CHSY3: variants seen among roughly 807,000 people sequenced by gnomAD.
The protein encoded by CHSY3 is chondroitin sulfate synthase 3.
CHSY3 carries 35 observed loss-of-function variants against 67.2 expected under a neutral mutation model. The ratio of observed to expected loss-of-function variants is 0.52; its 90% CI spans 0.40 to 0.69. The LOEUF is 0.69. CHSY3 is among the 30% of genes least tolerant of loss of function. CHSY3 has a pLI of 0.00. For synonymous variants in CHSY3, 474 were observed against 434.7 expected (o/e 1.09, Z -1.12); for missense variants, 1,069 against 1,138.5 (o/e 0.94, Z 0.88).
At chr5:130,169,828 T>C (rs1164506772) in intron 2 of CHSY3, among the ~76,000 whole-genome samples, 1 of 152,068 alleles carries the variant, frequency 6.6e-6, no homozygotes, top group South Asian at 2.1e-4. Flanking sequence ...GGTAATTTCC[T>C]CTTTTTTATC....
chr5:129,976,487 T>TA (rs1762810625), intron 2 of CHSY3, among the ~76,000 whole-genome samples: 1 of 152,134 alleles, frequency 6.6e-6, no homozygotes, highest in Non-Finnish European at 1.5e-5. Context: ...AGTGTCCACC[T>TA]AAAAATACAG....
In CHSY3 at chr5:130,015,643, T is replaced by C. The variant is rs184860617; in HGVS notation, c.1086+107283T>C. Among the ~76,000 whole-genome samples the C allele has an allele frequency of 1.4e-4, 21 of 152,306 alleles. No homozygotes were observed. In the East Asian group the frequency reaches 3.9e-3, roughly 28 times the overall value. On this transcript the variant is annotated intron_variant, in intron 2 of 2. Transcript: ENST00000305031. ...AAGACTTACACAGTGCTGGAGGGAA[T>C]GTAAATTAGTTCAGTCACTGTGGAA...
chr5:129,905,653 T>A (rs756139247), intron 1 of CHSY3, 22 bp downstream of exon 1: 2 of 1,607,570 alleles, frequency 1.2e-6, no homozygotes, highest in African/African-American at 1.3e-5. Context: ...GCGCCGGCTT[T>A]CCAGCCTGCC....
At chr5:130,127,002 C>A (rs1008850465) in intron 2 of CHSY3, among the ~76,000 whole-genome samples, 4 of 152,150 alleles carry the variant, frequency 2.6e-5, no homozygotes, top group African/African-American at 9.7e-5. Context: ...AGTGAAACAT[C>A]TTTCAGAGAC....
chr5:129,959,886 G>A (rs1042250539), intron 2 of CHSY3, among the ~76,000 whole-genome samples: 1 of 151,962 alleles, frequency 6.6e-6, no homozygotes, highest in Non-Finnish European at 1.5e-5. Context: ...AAATTTCTCT[G>A]ATATCATACT....
intron 2 of CHSY3, among the ~76,000 whole-genome samples, chr5:129,938,747 C>T (rs968623422): frequency 2.0e-5 from 3 of 152,194 alleles, no homozygotes; most frequent in South Asian, 2.1e-4. Context: ...CTGAGACCTC[C>T]GCAGACTGGG....
Position 129,904,788 on chromosome 5 carries a change from G to GCCGCGACAGCCCAGCGAGCGT in CHSY3, c.-36_-16dup. 3 of 1,313,014 alleles carry GCCGCGACAGCCCAGCGAGCGT rather than the reference G, an allele frequency of 2.3e-6. No individual in the cohort carries two copies. Among genetic ancestry groups the GCCGCGACAGCCCAGCGAGCGT allele is most frequent in the Non-Finnish European group, 2.9e-6 (3 of 1,031,834 alleles). 81.3% of individuals were successfully genotyped at this position (1,313,014 alleles called of 1,614,324 possible). On this transcript the variant is annotated 5_prime_UTR_variant, in exon 1 of 3. Transcript: ENST00000305031. ...GTGAGCCGGGGAAACCGCGTGCCGC[G>GCCGCGACAGCCCAGCGAGCGT]CCGCGACAGCCCAGCGAGCGTCCGC...
intron 2 of CHSY3, among the ~76,000 whole-genome samples, chr5:130,023,828 G>C (rs1189029168): frequency 6.6e-6 from 1 of 151,858 alleles, no homozygotes; most frequent in Non-Finnish European, 1.5e-5. Flanking sequence ...GAGTAAGACG[G>C]TTTAGCCTCA....
intron 2 of CHSY3, among the ~76,000 whole-genome samples, chr5:130,023,386 G>A (rs964909383): frequency 1.3e-5 from 2 of 151,992 alleles, no homozygotes; most frequent in African/African-American, 4.8e-5. Context: ...TTCTGATCAT[G>A]CTATACTTTT....
At chr5:129,923,038 A>G (rs931275802) in intron 2 of CHSY3, among the ~76,000 whole-genome samples, 2 of 152,240 alleles carry the variant, frequency 1.3e-5, no homozygotes, top group Admixed American at 1.3e-4. Flanking sequence ...GATGTATTGG[A>G]GGTTTTTGTT....
intron 2 of CHSY3, among the ~76,000 whole-genome samples, chr5:130,079,328 G>T (rs994477765): frequency 6.6e-6 from 1 of 152,024 alleles, no homozygotes; most frequent in Non-Finnish European, 1.5e-5. Context: ...TACACTTACA[G>T]ATGTATTTAA....
At chr5:130,071,803 T>C (rs1766081371) in intron 2 of CHSY3, among the ~76,000 whole-genome samples, 1 of 152,052 alleles carries the variant, frequency 6.6e-6, no homozygotes, top group Non-Finnish European at 1.5e-5. Context: ...TTTTTCAAAG[T>C]GACTGTACTA....
At chr5:130,079,078 T>C (rs1035884703) in intron 2 of CHSY3, among the ~76,000 whole-genome samples, 4 of 152,190 alleles carry the variant, frequency 2.6e-5, no homozygotes, top group African/African-American at 9.6e-5. Context: ...TGAAAGGCAC[T>C]GCCTGCATAT....
chr5:129,989,471 A>T (rs1240329376), intron 2 of CHSY3, among the ~76,000 whole-genome samples: 1 of 150,996 alleles, frequency 6.6e-6, no homozygotes, highest in African/African-American at 2.4e-5. Context: ...TAAGGAAACC[A>T]CTCCCATGGT....
chr5:130,059,019 G>A (rs986053848), intron 2 of CHSY3, among the ~76,000 whole-genome samples: 13 of 152,176 alleles, frequency 8.5e-5, no homozygotes, highest in Admixed American at 6.5e-4. Flanking sequence ...TGTCTATGGT[G>A]TTCAGTTGTT....
At chr5:130,037,324 C>A (rs1764888839) in intron 2 of CHSY3, among the ~76,000 whole-genome samples, 1 of 152,100 alleles carries the variant, frequency 6.6e-6, no homozygotes, top group Admixed American at 6.6e-5. Flanking sequence ...GGACACCCTT[C>A]CCACCCTCAG....
intron 2 of CHSY3, among the ~76,000 whole-genome samples, chr5:130,063,819 G>C (rs1254497927): frequency 6.6e-6 from 1 of 152,072 alleles, no homozygotes; most frequent in Non-Finnish European, 1.5e-5. Flanking sequence ...ATGCTGTGTG[G>C]AGCCTCTTTT....
chr5:130,075,571 A>G (rs530275006), intron 2 of CHSY3, among the ~76,000 whole-genome samples: 1 of 152,326 alleles, frequency 6.6e-6, no homozygotes, highest in African/African-American at 2.4e-5. Context: ...GGCACTATGA[A>G]AATATAAAGA....
At chr5:129,909,816 ATGGATAAGTAAAAAAATATTTGTG>A (rs1760470456) in intron 2 of CHSY3, among the ~76,000 whole-genome samples, 1 of 152,042 alleles carries the variant, frequency 6.6e-6, no homozygotes, top group African/African-American at 2.4e-5. Flanking sequence ...TTTACTTTGC[ATGGATAAGTAAAAAAATATTTGTG>A]TGGATAAGTA....
Sources: allele counts gnomAD v4.1 joint callset (sites outside exome capture counted in the v4.1 genomes callset), GRCh38; gene constraint gnomAD v4.1.1; transcripts MANE v1.5; gene names NCBI Gene and HGNC (gene_info 2026-07-23, HGNC 2026-07-21).